The following RPH3AL variants were observed in gnomAD, a reference collection of about 807,000 sequenced individuals.
RPH3AL encodes rabphilin 3A like (without C2 domains), also known as rab effector Noc2.
RPH3AL carries 38 observed loss-of-function variants against 43.1 expected under a neutral mutation model. The observed-to-expected ratio is 0.88, with a 90% CI of 0.68 to 1.15. RPH3AL has a LOEUF of 1.15. Among genes scored for constraint, RPH3AL ranks in the 50% most tolerant of loss-of-function variants. The pLI, the probability that RPH3AL is intolerant of heterozygous loss-of-function variation, is 0.00. For missense variants in RPH3AL, 462 were observed against 423.2 expected (o/e 1.09, Z -0.81); for synonymous variants, 189 against 176.3 (o/e 1.07, Z -0.57).
chr17:341,306 A>G (rs1281873097), intron 1 of RPH3AL: 1 of 152,132 alleles, frequency 6.6e-6, no homozygotes, highest in African/African-American at 2.4e-5. Context: ...TATGGTACTG[A>G]AAACTGTGGC....
chr17:262,230 T>A (rs1200904446), intron 6 of RPH3AL, among the ~76,000 whole-genome samples: 2 of 152,106 alleles, frequency 1.3e-5, no homozygotes, highest in Non-Finnish European at 2.9e-5. Flanking sequence ...GTTTACAGTT[T>A]TTTTTTTAGA....
chr17:236,600 C>T (rs539466856), intron 7 of RPH3AL, among the ~76,000 whole-genome samples: 15 of 152,312 alleles, frequency 9.8e-5, no homozygotes, highest in East Asian at 9.7e-4. Flanking sequence ...AGCTGCAGAG[C>T]GGGCGTCGGG....
At chr17:218,868 C>T (rs1160021497) in intron 8 of RPH3AL, among the ~76,000 whole-genome samples, 2 of 152,192 alleles carry the variant, frequency 1.3e-5, no homozygotes, top group African/African-American at 2.4e-5. Context: ...GGTTTCATGG[C>T]AGGACTGACC....
At chr17:342,038 A>G (rs2045133075) in intron 1 of RPH3AL, among the ~76,000 whole-genome samples, 1 of 152,230 alleles carries the variant, frequency 6.6e-6, no homozygotes, top group Admixed American at 6.5e-5. Flanking sequence ...TTCCATTTAA[A>G]CATGGGCAAA....
chr17:332,849 C>T (rs2044822810), intron 2 of RPH3AL: 1 of 438,596 alleles, frequency 2.3e-6, no homozygotes, highest in Non-Finnish European at 3.9e-6. Context: ...TGAGCAGAGG[C>T]AGCACTCGGG....
intron 6 of RPH3AL, among the ~76,000 whole-genome samples, chr17:251,747 T>C (rs1254905662): frequency 6.6e-6 from 1 of 152,204 alleles, no homozygotes; most frequent in Non-Finnish European, 1.5e-5. Flanking sequence ...ACGGGGGCCA[T>C]GGGGTGCCAG....
intron 6 of RPH3AL, chr17:261,873 C>G (rs369606697): frequency 6.6e-6 from 1 of 152,110 alleles, no homozygotes; most frequent in Non-Finnish European, 1.5e-5. Flanking sequence ...CGGAAGGCAG[C>G]GCTCAGGAAC....
chr17:338,166 C>T (rs977933041), intron 1 of RPH3AL, among the ~76,000 whole-genome samples: 2 of 152,094 alleles, frequency 1.3e-5, no homozygotes, highest in African/African-American at 4.8e-5. Flanking sequence ...AAGGTGGTGA[C>T]AGCAGGGAAA....
rs556517196 is a variant in RPH3AL, at chr17:235,419, C to T, written c.613+11692G>A. Reference sequence around the variant, plus strand: ...CAGGTCCCGGGTTCAAAGCTGGGGTCGGCCGAGGCTCTGCAGTAACAAGAG... The same window carrying T: ...CAGGTCCCGGGTTCAAAGCTGGGGTTGGCCGAGGCTCTGCAGTAACAAGAG... On this transcript the variant is annotated intron_variant, in intron 7 of 9. Transcript: ENST00000331302. 4.3e-5 allele frequency among the ~76,000 whole-genome samples: 6 copies of T among 141,166 alleles called. No individual in the cohort carries two copies. In the East Asian group the frequency reaches 6.6e-4, roughly 15 times the overall value. 92.6% of individuals were successfully genotyped at this position (141,166 alleles called of 152,430 possible). A position where few individuals can be genotyped will look rare whatever the true frequency, so the allele number is the denominator to read the frequency against.
chr17:314,433 T>A (rs1555518126), intron 5 of RPH3AL, among the ~76,000 whole-genome samples: 2 of 128,020 alleles, frequency 1.6e-5, no homozygotes, highest in Non-Finnish European at 3.2e-5. Context: ...ATGTAGTCCC[T>A]CTGCCCCCAC....
chr17:319,264 G>A (rs1331951689), intron 5 of RPH3AL, among the ~76,000 whole-genome samples, 156 bp downstream of exon 5: 1 of 152,172 alleles, frequency 6.6e-6, no homozygotes, highest in East Asian at 1.9e-4. Context: ...CAGTCCATTT[G>A]GTTTTTAAGT....
chr17:306,190 G>A (rs970985757), intron 5 of RPH3AL, among the ~76,000 whole-genome samples: 1 of 151,906 alleles, frequency 6.6e-6, no homozygotes, highest in African/African-American at 2.4e-5. Flanking sequence ...CCACAGCCTG[G>A]GATCCAGCCT....
intron 7 of RPH3AL, among the ~76,000 whole-genome samples, chr17:220,466 G>T (rs879471833): frequency 2.5e-5 from 2 of 79,608 alleles, no homozygotes; most frequent in Non-Finnish European, 6.6e-5. Context: ...CAGCTCTGAG[G>T]CCTCCACTCA....
At chr17:228,280 C>T (rs2041150419) in intron 7 of RPH3AL, among the ~76,000 whole-genome samples, 1 of 152,192 alleles carries the variant, frequency 6.6e-6, no homozygotes, top group Non-Finnish European at 1.5e-5. Context: ...TGGGCTCAAA[C>T]AATCCTCCCG....
chr17:216,670 T>C (rs1290224801), intron 8 of RPH3AL, among the ~76,000 whole-genome samples: 3 of 152,152 alleles, frequency 2.0e-5, no homozygotes, highest in Non-Finnish European at 2.9e-5. Flanking sequence ...TATACTCTTC[T>C]AAATTTTCTC....
intron 1 of RPH3AL, chr17:339,029 C>G (rs188030144): frequency 6.5e-6 from 1 of 152,842 alleles, no homozygotes; most frequent in Non-Finnish European, 1.5e-5. Flanking sequence ...CTTCTCCAAC[C>G]TTCCTCCCCT....
In RPH3AL at chr17:347,136, T is replaced by C. The variant is rs2045252273; in HGVS notation, c.-213+5576A>G. 6.0e-5 allele frequency among the ~76,000 whole-genome samples: 8 copies of C among 134,382 alleles called. 2 individuals carry two copies. 88.2% of individuals were successfully genotyped at this position (134,382 alleles called of 152,430 possible). ...AGCCAGGCATGGTGGCAGGCACCTGTAGTCCCAGCTATTCAGGAGGCTGAG... is the reference window on the plus strand; with the variant it reads ...AGCCAGGCATGGTGGCAGGCACCTGCAGTCCCAGCTATTCAGGAGGCTGAG... On this transcript the variant is annotated intron_variant, in intron 1 of 9. Coordinates refer to ENST00000331302, the MANE Select transcript of RPH3AL (RefSeq NM_006987.4).
chr17:247,567 C>T, intron 6 of RPH3AL: 1 of 386,592 alleles, frequency 2.6e-6, no homozygotes, highest in East Asian at 4.3e-5. Flanking sequence ...CCCGCTGCAG[C>T]CTCCACCTCC....
intron 7 of RPH3AL, among the ~76,000 whole-genome samples, chr17:241,721 CTTTTTTT>C (rs58397357): frequency 1.5e-5 from 2 of 134,012 alleles, no homozygotes; most frequent in Admixed American, 7.6e-5. Flanking sequence ...CTTTTTTTTT[CTTTTTTT>C]TTTTTTTTGA....
Sources: gnomAD v4.1 joint callset for allele counts (sites outside exome capture counted in the v4.1 genomes callset) on GRCh38, gnomAD v4.1.1 for gene constraint, MANE v1.5 for transcripts, NCBI Gene and HGNC (gene_info 2026-07-23, HGNC 2026-07-21) for gene names.